CFAP299: variants seen among roughly 807,000 people sequenced by gnomAD.
CFAP299 encodes cilia- and flagella-associated protein 299.
A neutral mutation model predicts 27.0 loss-of-function variants in CFAP299; 21 were observed. That is an observed-to-expected ratio of 0.78 (90% CI 0.55 to 1.12). The LOEUF is 1.12. Among genes scored for constraint, CFAP299 ranks in the 50% most tolerant of loss-of-function variants. The pLI is 0.00. For synonymous variants in CFAP299, 104 were observed against 98.1 expected, an observed-to-expected ratio of 1.06 and a Z score of -0.36; for missense variants, 310 against 276.6, an observed-to-expected ratio of 1.12 and a Z score of -0.86.
intron 3 of CFAP299, among the ~76,000 whole-genome samples, chr4:80,831,876 T>G (rs1176552158): frequency 6.6e-6 from 1 of 152,144 alleles, no homozygotes; most frequent in East Asian, 1.9e-4. Context: ...GTCACTATTG[T>G]GAGACAGAGA....
intron 2 of CFAP299, among the ~76,000 whole-genome samples, chr4:80,566,339 C>A (rs1370142546): frequency 1.3e-5 from 2 of 151,886 alleles, no homozygotes; most frequent in East Asian, 3.9e-4. Flanking sequence ...TTTTTCCTTA[C>A]AGTCCCTACC....
At chr4:80,692,387 G>A (rs551041911) in intron 3 of CFAP299, among the ~76,000 whole-genome samples, 26 of 152,084 alleles carry the variant, frequency 1.7e-4, no homozygotes, top group East Asian at 5.8e-4. Flanking sequence ...CAGAAATAAC[G>A]CCACATATCT....
intron 3 of CFAP299, among the ~76,000 whole-genome samples, chr4:80,703,948 G>T (rs1189045352): frequency 1.3e-5 from 2 of 151,222 alleles, no homozygotes; most frequent in African/African-American, 4.9e-5. Context: ...TTGTGAAAAG[G>T]AGGAGGAAGA....
At chr4:80,688,407 G>A (rs539428518) in intron 3 of CFAP299, among the ~76,000 whole-genome samples, 3 of 25,788 alleles carry the variant, frequency 1.2e-4, no homozygotes, top group Admixed American at 9.1e-4. Flanking sequence ...GCCTAACTGG[G>A]AGGCACCCCC....
chr4:80,661,153 C>G (rs950295171), intron 3 of CFAP299, among the ~76,000 whole-genome samples: 1 of 151,822 alleles, frequency 6.6e-6, no homozygotes, highest in Non-Finnish European at 1.5e-5. Context: ...TGGCAAAATC[C>G]CGTCTCTACT....
chr4:80,939,570 T>C (rs751354225), intron 4 of CFAP299, among the ~76,000 whole-genome samples: 50 of 152,326 alleles, frequency 3.3e-4, no homozygotes, highest in Non-Finnish European at 5.7e-4. Context: ...TTAATTTAAT[T>C]GTAAATCTGT....
At chr4:80,871,493 A>C in intron 4 of CFAP299, 7 of 985,368 alleles carry the variant, frequency 7.1e-6, no homozygotes, top group Non-Finnish European at 8.4e-6. Context: ...ATGATTCTTA[A>C]AACTTATGTT....
chr4:80,859,855 A>G (rs1732199355), intron 3 of CFAP299, among the ~76,000 whole-genome samples: 1 of 151,730 alleles, frequency 6.6e-6, no homozygotes, highest in South Asian at 2.1e-4. Context: ...TTTTTCCTTC[A>G]TTTCAACGTT....
chr4:80,692,802 C>A (rs1366371955), intron 3 of CFAP299, among the ~76,000 whole-genome samples: 1 of 152,132 alleles, frequency 6.6e-6, no homozygotes, highest in African/African-American at 2.4e-5. Context: ...ACTCATCTGA[C>A]AAAGGGCTGA....
intron 2 of CFAP299, among the ~76,000 whole-genome samples, chr4:80,501,027 A>T (rs1375781407): frequency 6.6e-6 from 1 of 152,060 alleles, no homozygotes; most frequent in Admixed American, 6.6e-5. Context: ...GTCTGTCTAA[A>T]ATTGTTCTGA....
At position 80,905,587 on chromosome 4, in the gene CFAP299, A is replaced by G. The variant is rs949229246; in HGVS notation, c.476+35452A>G. Among the ~76,000 whole-genome samples the G allele has an allele frequency of 5.3e-5, 8 of 152,312 alleles. No homozygotes were observed. The South Asian group carries it at 1.7e-3, about 32-fold the overall frequency. On this transcript the variant is annotated intron_variant, in intron 4 of 5. Coordinates refer to ENST00000358105, the MANE Select transcript of CFAP299 (RefSeq NM_152770.3). ...AGAACTGCCCAAGACAGGGTAATTT[A>G]TAAAGGAAGGATGTTTAATTGACTC...
At chr4:80,413,113 A>T (rs752323562) in intron 2 of CFAP299, among the ~76,000 whole-genome samples, 3 of 150,542 alleles carry the variant, frequency 2.0e-5, no homozygotes, top group Non-Finnish European at 4.4e-5. Flanking sequence ...TTTGTATCCC[A>T]AAGCCACCTG....
chr4:80,832,063 C>T (rs1017431002), intron 3 of CFAP299, among the ~76,000 whole-genome samples: 12 of 152,106 alleles, frequency 7.9e-5, no homozygotes, highest in African/African-American at 2.9e-4. Flanking sequence ...TTTCCTGTGT[C>T]AGAACAATGA....
intron 4 of CFAP299, among the ~76,000 whole-genome samples, chr4:80,875,388 G>A (rs1429504538): frequency 2.0e-5 from 3 of 152,096 alleles, no homozygotes; most frequent in East Asian, 1.9e-4. Flanking sequence ...CTTGCCGGGC[G>A]CGGTGGCTCA....
intron 3 of CFAP299, among the ~76,000 whole-genome samples, chr4:80,591,366 G>A (rs1036381836): frequency 4.0e-5 from 6 of 151,802 alleles, no homozygotes; most frequent in Admixed American, 6.6e-5. Flanking sequence ...CTCGTGATCC[G>A]CCCGCCTCGG....
chr4:80,604,153 T>C (rs1737511924), intron 3 of CFAP299, among the ~76,000 whole-genome samples: 1 of 152,116 alleles, frequency 6.6e-6, no homozygotes, highest in South Asian at 2.1e-4. Context: ...AAAAGAAAAC[T>C]TTAAAGCCTT....
intron 2 of CFAP299, among the ~76,000 whole-genome samples, chr4:80,548,638 T>C (rs986416655): frequency 2.6e-5 from 4 of 152,152 alleles, no homozygotes; most frequent in Admixed American, 2.6e-4. Context: ...TATTTTGGTC[T>C]TATTCCAGTG....
intron 5 of CFAP299, among the ~76,000 whole-genome samples, chr4:80,947,265 G>T (rs1488551273): frequency 8.5e-5 from 13 of 152,114 alleles, no homozygotes; most frequent in Non-Finnish European, 1.5e-5. Context: ...TTAATGAGTG[G>T]TAAGAGTAAG....
chr4:80,786,807 T>A (rs963990504), intron 3 of CFAP299, among the ~76,000 whole-genome samples: 3 of 152,100 alleles, frequency 2.0e-5, no homozygotes, highest in African/African-American at 7.2e-5. Flanking sequence ...CAGTGCTACC[T>A]ACCAATGCTT....
Sources: gnomAD v4.1 joint callset for allele counts (sites outside exome capture counted in the v4.1 genomes callset) on GRCh38, gnomAD v4.1.1 for gene constraint, MANE v1.5 for transcripts, NCBI Gene and HGNC (gene_info 2026-07-23, HGNC 2026-07-21) for gene names.